The following PCDH11X variants were observed in gnomAD, a reference collection of about 807,000 sequenced individuals.
PCDH11X encodes the protein protocadherin 11 X-linked.
A neutral mutation model predicts 53.3 loss-of-function variants in PCDH11X; 18 were observed. That is an observed-to-expected ratio of 0.34 (90% CI 0.23 to 0.50). PCDH11X has a LOEUF of 0.50. Ranked by LOEUF, PCDH11X falls within the 20% of genes least tolerant of loss-of-function variation. PCDH11X has a pLI of 0.98. For synonymous variants in PCDH11X, 279 were observed against 393.3 expected (o/e 0.71, Z 3.44); for missense variants, 570 against 1,032.4 (o/e 0.55, Z 6.14).
At chrX:92,062,292 A>G (rs2063534595) in intron 6 of PCDH11X, among the ~76,000 whole-genome samples, 1 of 111,364 alleles carries the variant, frequency 9.0e-6, no homozygotes. Flanking sequence ...CTCTCTTTTT[A>G]TTAAGATGCC....
intron 6 of PCDH11X, among the ~76,000 whole-genome samples, chrX:92,045,154 A>C (rs1217331487): frequency 9.2e-6 from 1 of 108,499 alleles, no homozygotes; most frequent in African/African-American, 3.4e-5. Flanking sequence ...ACAACTGTAG[A>C]TTTCAAGACG....
intron 6 of PCDH11X, among the ~76,000 whole-genome samples, chrX:91,904,852 C>T (rs1347227654): frequency 4.5e-5 from 5 of 109,971 alleles, no homozygotes; most frequent in African/African-American, 1.6e-4. Flanking sequence ...ACCGATCCAA[C>T]AGCCAACAGC....
intron 6 of PCDH11X, among the ~76,000 whole-genome samples, chrX:91,978,084 T>C (rs191743535): frequency 2.4e-3 from 267 of 111,750 alleles, no homozygotes; most frequent in African/African-American, 8.5e-3. Flanking sequence ...AAGTCTAACA[T>C]GGCAGATGAG....
chrX:92,077,184 A>G (rs1273805735), intron 6 of PCDH11X, among the ~76,000 whole-genome samples: 1 of 111,377 alleles, frequency 9.0e-6, no homozygotes, highest in Non-Finnish European at 1.9e-5. Flanking sequence ...TTGAGGACAA[A>G]GAGGTAAGCC....
intron 9 of PCDH11X, among the ~76,000 whole-genome samples, chrX:92,398,915 G>A (rs1424600843): frequency 6.3e-5 from 7 of 110,666 alleles, no homozygotes; most frequent in African/African-American, 9.9e-5. Context: ...TATTTTAGCC[G>A]GGCGTGGTGG....
At chrX:91,861,542 C>A (rs1254024619) in intron 5 of PCDH11X, among the ~76,000 whole-genome samples, 4 of 109,739 alleles carry the variant, frequency 3.6e-5, no homozygotes, top group African/African-American at 1.0e-4. Flanking sequence ...GTCTGTCAGG[C>A]CCTGGCAGCA....
chrX:92,098,997 G>A (rs1437395118), intron 6 of PCDH11X, among the ~76,000 whole-genome samples: 1 of 111,794 alleles, frequency 8.9e-6, no homozygotes, highest in East Asian at 2.8e-4. Flanking sequence ...GGATCTGTGT[G>A]TTCCTAAAAG....
intron 9 of PCDH11X, among the ~76,000 whole-genome samples, chrX:92,419,348 G>A (rs1297761557): frequency 9.8e-6 from 1 of 101,648 alleles, no homozygotes; most frequent in African/African-American, 3.6e-5. Context: ...CAAACTCCAG[G>A]GCTCAAGAGA....
intron 10 of PCDH11X, among the ~76,000 whole-genome samples, chrX:92,596,467 G>T (rs1925613165): frequency 9.4e-6 from 1 of 106,237 alleles, no homozygotes; most frequent in Non-Finnish European, 1.9e-5. Flanking sequence ...TGTAAGAAAT[G>T]GATAAATTTC....
chrX:92,485,798 C>G (rs1194052864), intron 10 of PCDH11X, among the ~76,000 whole-genome samples: 1 of 111,295 alleles, frequency 9.0e-6, no homozygotes, highest in Non-Finnish European at 1.9e-5. Context: ...AAATTGAGTA[C>G]TTTGATTGAT....
In PCDH11X at chrX:91,970,390, T is replaced by C. The variant is rs1251838473; in HGVS notation, c.3033+91117T>C. 3.2e-4 allele frequency among the ~76,000 whole-genome samples: 36 copies of C among 111,537 alleles called. No individual in the cohort carries two copies. The Admixed American group carries it at 3.3e-3, about 10-fold the overall frequency. Reference sequence around the variant, plus strand: ...TTACAGAATGCTGATTGGTCCATTTTGACAGCGTGCTGATTGGTGTATTTA... The same window carrying C: ...TTACAGAATGCTGATTGGTCCATTTCGACAGCGTGCTGATTGGTGTATTTA... On this transcript the variant is annotated intron_variant, in intron 6 of 10. Transcript: ENST00000682573.
chrX:92,480,516 AG>A (rs1471690921), intron 10 of PCDH11X, among the ~76,000 whole-genome samples: 1 of 106,443 alleles, frequency 9.4e-6, no homozygotes, highest in African/African-American at 3.5e-5. Context: ...CTGTTTTGTG[AG>A]GTTTTTTTTT....
intron 6 of PCDH11X, among the ~76,000 whole-genome samples, chrX:92,136,977 CTTTTTTCTTTTTTT>C (rs1171111848): frequency 1.0e-5 from 1 of 98,156 alleles, no homozygotes. Context: ...ATTTTTGTTT[CTTTTTTCTTTTTTT>C]TTTTTTCTTG....
chrX:92,141,497 A>G (rs754797764), intron 6 of PCDH11X, among the ~76,000 whole-genome samples: 2 of 112,126 alleles, frequency 1.8e-5, no homozygotes, highest in Non-Finnish European at 3.8e-5. Flanking sequence ...AAGTGATGCT[A>G]TAGATTACAT....
At chrX:91,990,937 C>T (rs2147942941) in intron 6 of PCDH11X, among the ~76,000 whole-genome samples, 1 of 97,699 alleles carries the variant, frequency 1.0e-5, no homozygotes, top group South Asian at 5.4e-4. Context: ...AGAAGGGCAC[C>T]TCCTTACTAC....
chrX:92,416,862 T>C (rs1212595547), intron 9 of PCDH11X, among the ~76,000 whole-genome samples: 5 of 112,146 alleles, frequency 4.5e-5, no homozygotes, highest in Non-Finnish European at 9.4e-5. Context: ...TGAATATGTG[T>C]TAAATATGAA....
intron 6 of PCDH11X, among the ~76,000 whole-genome samples, chrX:91,920,551 A>G (rs1294049570): frequency 9.0e-6 from 1 of 111,071 alleles, no homozygotes; most frequent in African/African-American, 3.3e-5. Context: ...TCTAGGAGTA[A>G]GAGTCAAGCA....
rs186069338 is a variant in PCDH11X, at chrX:92,137,921, A to G, written c.3034-63454A>G. On this transcript the variant is annotated intron_variant, in intron 6 of 10. Coordinates refer to ENST00000682573, the MANE Select transcript of PCDH11X (RefSeq NM_032968.5). ...TTTGTTACATAGGTAAACCTGTGCC[A>G]TGGTGGTTTGCTGCACAGATCATCT... Among the ~76,000 whole-genome samples, 517 of 108,582 alleles carry G rather than the reference A, an allele frequency of 4.8e-3. 4 individuals are homozygous for G. Among genetic ancestry groups the G allele is most frequent in the African/African-American group, 0.017 (496 of 29,821 alleles). 94.3% of individuals were successfully genotyped at this position (108,582 alleles called of 115,157 possible).
At chrX:92,510,074 T>C (rs1411665150) in intron 10 of PCDH11X, among the ~76,000 whole-genome samples, 1 of 104,138 alleles carries the variant, frequency 9.6e-6, no homozygotes, top group Non-Finnish European at 2.0e-5. Context: ...GTCAGGCTTG[T>C]GTGAAAACAA....
Sources: gnomAD v4.1 joint callset for allele counts (sites outside exome capture counted in the v4.1 genomes callset) on GRCh38, gnomAD v4.1.1 for gene constraint, MANE v1.5 for transcripts, NCBI Gene and HGNC (gene_info 2026-07-23, HGNC 2026-07-21) for gene names.